ZNF385A: variants seen among roughly 807,000 people sequenced by gnomAD.
The protein encoded by ZNF385A is hematopoietic zinc finger protein.
ZNF385A carries 14 observed loss-of-function variants against 32.1 expected under a neutral mutation model. That is an observed-to-expected ratio of 0.44 (90% CI 0.29 to 0.68). The LOEUF is 0.68. Ranked by LOEUF, ZNF385A falls within the 30% of genes least tolerant of loss-of-function variation. The pLI is 0.14. For synonymous variants in ZNF385A, 197 were observed against 202.7 expected, an observed-to-expected ratio of 0.97 and a Z score of 0.24; for missense variants, 406 against 478.4, an observed-to-expected ratio of 0.85 and a Z score of 1.41.
chr12:54,371,424 G>T, intron 4 of ZNF385A, 49 bp downstream of exon 4: 1 of 1,581,496 alleles, frequency 6.3e-7, no homozygotes, highest in South Asian at 1.1e-5. Context: ...GTAGAGGCAG[G>T]GGTGGCCTGA....
At position 54,384,663 on chromosome 12, in the gene ZNF385A, T is replaced by C; in HGVS notation, c.-149A>G. ...CACTCCCTAGCCAGGGCCCCCACAC[T>C]CAGAAGTGTCACCCTCAGTGCACAT... On this transcript the variant is annotated 5_prime_UTR_variant, in exon 1 of 7. Coordinates refer to ENST00000394313, the MANE Select transcript of ZNF385A (RefSeq NM_015481.3). The C allele has an allele frequency of 7.1e-7, 1 of 1,413,278 alleles. No homozygotes were observed. Among genetic ancestry groups the C allele is most frequent in the Non-Finnish European group, 9.2e-7 (1 of 1,088,918 alleles). The allele number at this position is 1,413,278 out of a possible 1,614,324, so 87.5% of individuals were successfully genotyped here.
chr12:54,376,028 T>G, intron 1 of ZNF385A, 74 bp from the exon 2 acceptor site: 4 of 1,266,256 alleles, frequency 3.2e-6, no homozygotes, highest in Non-Finnish European at 4.6e-6. Context: ...CACAGATATC[T>G]GTGTTGAACC....
intron 2 of ZNF385A, among the ~76,000 whole-genome samples, chr12:54,374,684 T>A (rs1029484049): frequency 4.1e-4 from 63 of 152,060 alleles, no homozygotes; most frequent in Non-Finnish European, 7.2e-4. Flanking sequence ...CGAGCCCAGC[T>A]CTGGGGACAG....
At chr12:54,382,652 G>A (rs1955254111) in intron 1 of ZNF385A, among the ~76,000 whole-genome samples, 1 of 152,146 alleles carries the variant, frequency 6.6e-6, no homozygotes. Context: ...AGTGCCTGGT[G>A]TGTAGTCAAT....
At chr12:54,384,750 G>A (rs1955381131), upstream of ZNF385A, 1 of 1,298,522 alleles carries the variant, frequency 7.7e-7, no homozygotes, top group African/African-American at 1.5e-5. Flanking sequence ...TGGGCCTGGG[G>A]GAGGGTGTAG....
intron 1 of ZNF385A, among the ~76,000 whole-genome samples, chr12:54,376,925 T>C (rs372135910): frequency 1.3e-5 from 2 of 152,216 alleles, no homozygotes; most frequent in African/African-American, 4.8e-5. Context: ...AGACTGAAGA[T>C]TGGGGGATGG....
At chr12:54,384,932 T>G, upstream of ZNF385A, 1 of 1,026,202 alleles carries the variant, frequency 9.7e-7, no homozygotes, top group Non-Finnish European at 1.2e-6. Flanking sequence ...TCTTCTGGTT[T>G]TGCTTTCCCC....
At position 54,383,500 on chromosome 12, in the gene ZNF385A, T is replaced by C. The variant is rs182295448; in HGVS notation, c.87+928A>G. 7.2e-3 allele frequency among the ~76,000 whole-genome samples: 1,103 copies of C among 152,318 alleles called. 6 individuals carry two copies. Among genetic ancestry groups the C allele is most frequent in the Non-Finnish European group, 0.012 (799 of 68,026 alleles). On this transcript the variant is annotated intron_variant, in intron 1 of 6. Coordinates refer to ENST00000394313, the MANE Select transcript of ZNF385A (RefSeq NM_015481.3). ...TCGGGCCTGCATTGCTAGGACAGCCTCCTAACTGTCACCTTCCTCCTGCCT... is the reference window on the plus strand; with the variant it reads ...TCGGGCCTGCATTGCTAGGACAGCCCCCTAACTGTCACCTTCCTCCTGCCT...
chr12:54,371,768 C>CCA, intron 3 of ZNF385A, 53 bp from the exon 4 acceptor site: 2 of 1,598,952 alleles, frequency 1.3e-6, no homozygotes, highest in Admixed American at 3.6e-5. Context: ...TTGGAGAAGA[C>CCA]TCTTCATGTG....
At chr12:54,374,394 G>A (rs1954728581) in intron 2 of ZNF385A, among the ~76,000 whole-genome samples, 1 of 82,230 alleles carries the variant, frequency 1.2e-5, no homozygotes, top group South Asian at 3.7e-4. Flanking sequence ...GGGCCTGGCT[G>A]CTGACTCAGA....
intron 1 of ZNF385A, among the ~76,000 whole-genome samples, chr12:54,376,405 G>A (rs1237712537): frequency 6.6e-6 from 1 of 152,014 alleles, no homozygotes; most frequent in South Asian, 2.1e-4. Flanking sequence ...TCCACTCTGG[G>A]GTAAGACTAT....
chr12:54,385,508 G>C (rs1955431638), upstream of ZNF385A, among the ~76,000 whole-genome samples: 1 of 152,136 alleles, frequency 6.6e-6, no homozygotes, highest in South Asian at 2.1e-4. Flanking sequence ...GGGAGTTCTG[G>C]CCGCCCTTCA....
rs1430344665 is a variant in ZNF385A at position 54,370,346 on chromosome 12, G to A, written c.1011C>T (p.Leu337=). The A allele has an allele frequency of 5.3e-6, 8 of 1,503,536 alleles. No homozygotes were observed. Among genetic ancestry groups the A allele is most frequent in the Non-Finnish European group, 6.2e-6 (7 of 1,125,194 alleles). 93.1% of individuals were successfully genotyped at this position (1,503,536 alleles called of 1,614,324 possible). A position where few individuals can be genotyped will look rare whatever the true frequency, so the allele number is the denominator to read the frequency against. ...SLRPAPAAPL[L]QGPPITHPLL... ...GAGGGTGAGTGATCGGCGGTCCCTGGAGAAGAGGTGCGGCTGGAGCCGGGC... is the reference window on the plus strand; with the variant it reads ...GAGGGTGAGTGATCGGCGGTCCCTGAAGAAGAGGTGCGGCTGGAGCCGGGC... Residue 337 remains leucine (L), a synonymous_variant, in exon 7 of 7, where the codon CTC becomes CTT. Coordinates refer to ENST00000394313, the MANE Select transcript of ZNF385A (RefSeq NM_015481.3). The surrounding 1 kb of genome is among the most constrained non-coding windows in gnomAD (Gnocchi z 5.5).
intron 2 of ZNF385A, 135 bp from the exon 3 acceptor site, chr12:54,374,270 G>A (rs773893427): frequency 1.9e-5 from 15 of 782,140 alleles, no homozygotes; most frequent in Non-Finnish European, 2.3e-5. Flanking sequence ...GAGATGTAAA[G>A]CCCCATACCA....
upstream of ZNF385A, among the ~76,000 whole-genome samples, chr12:54,389,722 G>T (rs1020341951): frequency 6.6e-6 from 1 of 152,136 alleles, no homozygotes; most frequent in Non-Finnish European, 1.5e-5. Context: ...ACACAGGTTG[G>T]AGGAATGTGG....
chr12:54,390,376 G>T (rs1189766994), intron 1 of ZNF385A, among the ~76,000 whole-genome samples: 3 of 152,140 alleles, frequency 2.0e-5, no homozygotes, highest in African/African-American at 7.2e-5. Flanking sequence ...AGGTCATGAG[G>T]ATGGGGTGGC....
At chr12:54,377,690 C>G (rs559592847) in intron 1 of ZNF385A, among the ~76,000 whole-genome samples, 9 of 152,144 alleles carry the variant, frequency 5.9e-5, no homozygotes. Context: ...GACTGCTGCT[C>G]TCAGTTCCCA....
At chr12:54,388,890 A>C (rs1955565346), upstream of ZNF385A, among the ~76,000 whole-genome samples, 2 of 152,198 alleles carry the variant, frequency 1.3e-5, no homozygotes, top group African/African-American at 4.8e-5. Flanking sequence ...GGCAGGAGGC[A>C]GGCTGAGGAC....
upstream of ZNF385A, among the ~76,000 whole-genome samples, chr12:54,388,415 C>T (rs938686027): frequency 2.0e-5 from 3 of 152,158 alleles, no homozygotes; most frequent in Non-Finnish European, 4.4e-5. Flanking sequence ...CCTAGAAATT[C>T]GGGCCTGGTC....
Sources: allele counts gnomAD v4.1 joint callset (sites outside exome capture counted in the v4.1 genomes callset), GRCh38; gene constraint gnomAD v4.1.1; non-coding constraint Gnocchi (gnomAD v3.1); transcripts MANE v1.5; gene names NCBI Gene and HGNC (gene_info 2026-07-23, HGNC 2026-07-21).